The following TBK1 variants were observed in gnomAD, a reference collection of about 807,000 sequenced individuals.
The protein encoded by TBK1 is serine/threonine-protein kinase TBK1.
A neutral mutation model predicts 99.9 loss-of-function variants in TBK1; 37 were observed. The ratio of observed to expected loss-of-function variants is 0.37; its 90% CI spans 0.28 to 0.49. The LOEUF (loss-of-function observed/expected upper bound fraction) is 0.49. TBK1 is among the 20% of genes least tolerant of loss of function. The pLI, the probability that TBK1 is intolerant of heterozygous loss-of-function variation, is 0.98. For missense variants in TBK1, 644 were observed against 872.5 expected, an observed-to-expected ratio of 0.74 and a Z score of 3.30; for synonymous variants, 258 against 279.8, an observed-to-expected ratio of 0.92 and a Z score of 0.78.
intron 4 of TBK1, among the ~76,000 whole-genome samples, chr12:64,464,940 CT>C (rs1359433280): frequency 1.3e-5 from 2 of 151,914 alleles, no homozygotes; most frequent in African/African-American, 4.8e-5. Context: ...ATGAAAATGA[CT>C]AATATCAAAA....
At chr12:64,499,030 T>G (rs1219869822) in intron 20 of TBK1, among the ~76,000 whole-genome samples, 2 of 119,222 alleles carry the variant, frequency 1.7e-5, no homozygotes, top group Non-Finnish European at 3.4e-5. Flanking sequence ...GTTTTACTAA[T>G]TTTATTCTTT....
intron 6 of TBK1, among the ~76,000 whole-genome samples, chr12:64,476,538 C>T (rs377730542): frequency 4.2e-4 from 64 of 152,110 alleles, no homozygotes; most frequent in African/African-American, 1.3e-3. Context: ...CTTGTTGATT[C>T]GTTTAAGTTC....
intron 11 of TBK1, 49 bp downstream of exon 11, chr12:64,486,066 C>T (rs2040817660): frequency 1.5e-6 from 2 of 1,297,242 alleles, no homozygotes; most frequent in African/African-American, 3.0e-5. Flanking sequence ...TAGACCTTGC[C>T]CCATCATTGA....
intron 13 of TBK1, among the ~76,000 whole-genome samples, chr12:64,492,785 T>A (rs532346084): frequency 6.6e-6 from 1 of 150,994 alleles, no homozygotes; most frequent in African/African-American, 2.4e-5. Context: ...TGCAATGGCG[T>A]AATCTCGGCT....
intron 2 of TBK1, among the ~76,000 whole-genome samples, chr12:64,459,938 T>C (rs2040528078): frequency 6.6e-6 from 1 of 152,160 alleles, no homozygotes; most frequent in South Asian, 2.1e-4. Flanking sequence ...TCATGAAAGG[T>C]TTATTTATAA....
chr12:64,484,387 A>T lies in TBK1; in HGVS notation c.1077A>T (p.Leu359Phe). 6.2e-7 allele frequency: 1 copy of T among 1,614,128 alleles called. No individual in the cohort carries two copies. The highest frequency in any genetic ancestry group is 8.5e-7 in the Non-Finnish European group (1 of 1,180,006). ...NQELIYEGRR[L>F]VLEPGRLAQH... ...AACTTATCTACGAAGGGCGACGCTT[A>T]GTCTTAGAACCTGGAAGGCTGGCAC... is the stretch of plus-strand genomic sequence containing the variant. The change falls in exon 9 of 21, where the codon TTA becomes TTT. Residue 359 changes from leucine to phenylalanine, a missense_variant. Around this residue, in one of 3 missense-constraint regions of TBK1, gnomAD observed 465 missense variants for 588.0 expected, o/e 0.79. Coordinates refer to ENST00000331710, the MANE Select transcript of TBK1 (RefSeq NM_013254.4).
chr12:64,455,050 C>T (rs1486544370), intron 1 of TBK1, among the ~76,000 whole-genome samples: 2 of 145,304 alleles, frequency 1.4e-5, no homozygotes, highest in Non-Finnish European at 3.0e-5. Flanking sequence ...TAGGGTGGCA[C>T]GATTTCAGCT....
intron 20 of TBK1, among the ~76,000 whole-genome samples, chr12:64,500,501 A>G (rs903149786): frequency 1.3e-5 from 2 of 151,988 alleles, no homozygotes; most frequent in African/African-American, 2.4e-5. Flanking sequence ...CCCATCTGTC[A>G]TGGGTATTAC....
At chr12:64,470,148 G>C (rs996398042) in intron 5 of TBK1, among the ~76,000 whole-genome samples, 1 of 152,132 alleles carries the variant, frequency 6.6e-6, no homozygotes, top group Admixed American at 6.5e-5. Context: ...TGATCAGGGG[G>C]CTAGCCAGAT....
chr12:64,462,954 G>A (rs2040562267), intron 3 of TBK1, among the ~76,000 whole-genome samples: 1 of 152,170 alleles, frequency 6.6e-6, no homozygotes, highest in South Asian at 2.1e-4. Flanking sequence ...GGACCACTCA[G>A]CTGTTCTGCT....
At chr12:64,455,426 T>C (rs2040476391) in intron 1 of TBK1, among the ~76,000 whole-genome samples, 1 of 152,256 alleles carries the variant, frequency 6.6e-6, no homozygotes, top group Non-Finnish European at 1.5e-5. Context: ...TTAAAGTTAC[T>C]CTTAATAATC....
intron 13 of TBK1, among the ~76,000 whole-genome samples, chr12:64,494,308 A>G (rs10878179): frequency 0.43 from 62,554 of 145,280 alleles, 15,430 homozygotes; most frequent in Non-Finnish European, 0.56. Context: ...ACCAAAAAAA[A>G]AAAAAGAAAA....
chr12:64,494,350 G>A (rs112607154), intron 13 of TBK1, among the ~76,000 whole-genome samples: 2,845 of 151,924 alleles, frequency 0.019, 85 homozygotes, highest in African/African-American at 0.064. Context: ...GCAATAGCAC[G>A]CACTTGTAAT....
chr12:64,460,334 G>A lies in TBK1; in HGVS notation c.228+5G>A. ...TTATTTGCTATTGAAGAGGAGGTAA[G>A]TAGTAAAACTTCAATCTTATATTTA... On this transcript the variant is annotated splice_donor_5th_base_variant and intron_variant, in intron 3 of 20. Transcript: ENST00000331710. The A allele has an allele frequency of 6.5e-7, 1 of 1,534,174 alleles. No individual in the cohort carries two copies. The highest frequency in any genetic ancestry group is 8.8e-7 in the Non-Finnish European group (1 of 1,135,970).
At position 64,501,430 on chromosome 12, in the gene TBK1, C is replaced by T. The variant is rs377729542; in HGVS notation, c.*49C>T. 194 of 1,579,934 alleles carry T rather than the reference C, an allele frequency of 1.2e-4. No homozygotes were observed. Among genetic ancestry groups the T allele is most frequent in the African/African-American group, 8.4e-4 (62 of 73,852 alleles). ...AGTTTCCGTTTGCACAAGAAAATAA[C>T]GCTTGGGCATTAAATGAATGCCTTT... On this transcript the variant is annotated 3_prime_UTR_variant, in exon 21 of 21. Transcript: ENST00000331710.
intron 2 of TBK1, among the ~76,000 whole-genome samples, chr12:64,456,802 A>T (rs1196172880): frequency 1.3e-5 from 2 of 151,458 alleles, no homozygotes; most frequent in Non-Finnish European, 2.9e-5. Context: ...AGATAGCACC[A>T]CTGCACTCCA....
At chr12:64,468,463 C>G (rs2040628521) in intron 5 of TBK1, among the ~76,000 whole-genome samples, 1 of 151,522 alleles carries the variant, frequency 6.6e-6, no homozygotes, top group East Asian at 1.9e-4. Flanking sequence ...TGCACTCCAG[C>G]CTGGGTGACA....
intron 2 of TBK1, among the ~76,000 whole-genome samples, chr12:64,458,864 C>A (rs1349916636): frequency 6.6e-6 from 1 of 152,176 alleles, no homozygotes; most frequent in African/African-American, 2.4e-5. Context: ...TGAAACTGAA[C>A]TGTACTTAAA....
Position 64,485,452 on chromosome 12 carries a change from C to T in TBK1, c.1190-3C>T, listed in dbSNP as rs1362261095. ...TCTCATTTTATTTTACTTCATATTT[C>T]AGTTTCCCTCCCTAAAGTACATCCA... On this transcript the variant is annotated splice_region_variant and splice_polypyrimidine_tract_variant and intron_variant, in intron 9 of 20. Transcript: ENST00000331710. 2.7e-6 allele frequency: 4 copies of T among 1,503,862 alleles called. No homozygotes were observed. The highest frequency in any genetic ancestry group is 3.6e-6 in the Non-Finnish European group (4 of 1,100,242). The allele number at this position is 1,503,862 out of a possible 1,614,324, so 93.2% of individuals were successfully genotyped here.
Sources: allele counts gnomAD v4.1 joint callset (sites outside exome capture counted in the v4.1 genomes callset), GRCh38; gene constraint gnomAD v4.1.1; regional missense constraint gnomAD v4.1.1; transcripts MANE v1.5; gene names NCBI Gene and HGNC (gene_info 2026-07-23, HGNC 2026-07-21).